The following FAM220A variants were observed in gnomAD, a reference collection of about 807,000 sequenced individuals.
The protein encoded by FAM220A is family with sequence similarity 220 member A.
For missense variants in FAM220A, 392 were observed against 321.6 expected, an observed-to-expected ratio of 1.22 and a Z score of -1.68; for synonymous variants, 141 against 130.7, an observed-to-expected ratio of 1.08 and a Z score of -0.54.
At chr7:6,347,884 TTA>T (rs1781984189) in intron 1 of FAM220A, among the ~76,000 whole-genome samples, 2 of 2,806 alleles carry the variant, frequency 7.1e-4, no homozygotes, top group African/African-American at 2.1e-3. Flanking sequence ...CGAGACCCCT[TTA>T]TTATTATTAT....
At position 6,340,713 on chromosome 7, in the gene FAM220A, C is replaced by A. The variant is rs556298100; in HGVS notation, c.-82+7860G>T. Among the ~76,000 whole-genome samples the A allele has an allele frequency of 3.9e-5, 6 of 151,936 alleles. No homozygotes were observed. The South Asian group carries it at 6.2e-4, about 16-fold the overall frequency. On this transcript the variant is annotated intron_variant, in intron 1 of 1. Coordinates refer to ENST00000313324, the MANE Select transcript of FAM220A (RefSeq NM_001037163.2). ...AGGAGATCGAGACCATCCTGGCTAA[C>A]ACGGTAAAACCCTGTCTCTACTAAA...
At chr7:6,336,460 C>T (rs1429599205) in intron 1 of FAM220A, among the ~76,000 whole-genome samples, 1 of 152,048 alleles carries the variant, frequency 6.6e-6, no homozygotes, top group Non-Finnish European at 1.5e-5. Context: ...GCAGGCAGAT[C>T]TCTTGAGGTC....
At chr7:6,343,397 C>CATATATATATAT (rs10529573) in intron 1 of FAM220A, among the ~76,000 whole-genome samples, 4 of 86,994 alleles carry the variant, frequency 4.6e-5, no homozygotes, top group Non-Finnish European at 4.6e-5. Flanking sequence ...ATAATAATTT[C>CATATATATATAT]ATATATATAT....
chr7:6,337,091 CA>C lies in FAM220A; in HGVS notation c.-81-5857del, dbSNP rs757582381. Among the ~76,000 whole-genome samples the C allele has an allele frequency of 3.6e-3, 532 of 146,850 alleles. 3 individuals are homozygous for C. The highest frequency in any genetic ancestry group is 0.01 in the South Asian group (46 of 4,540). Reference sequence around the variant, plus strand: ...TTTAATTCTTTTTTTTTTTTTGAGACAAGAGTCTCTCTCTGTCTCGCCCAGG... The same window carrying C: ...TTTAATTCTTTTTTTTTTTTTGAGACAGAGTCTCTCTCTGTCTCGCCCAGG... On this transcript the variant is annotated intron_variant, in intron 1 of 1. Coordinates refer to ENST00000313324, the MANE Select transcript of FAM220A (RefSeq NM_001037163.2).
At chr7:6,339,264 C>A (rs192282873) in intron 1 of FAM220A, among the ~76,000 whole-genome samples, 1 of 151,776 alleles carries the variant, frequency 6.6e-6, no homozygotes, top group Non-Finnish European at 1.5e-5. Flanking sequence ...GCCTAGGAGC[C>A]GGAGACCAGC....
chr7:6,333,997 C>A (rs1371266298), intron 1 of FAM220A, among the ~76,000 whole-genome samples: 1 of 151,486 alleles, frequency 6.6e-6, no homozygotes, highest in Non-Finnish European at 1.5e-5. Context: ...CAGGCACCCG[C>A]CACCACGCCC....
rs1310706308 is a variant in FAM220A, at chr7:6,330,335, A to G, written c.*40T>C. 1 of 1,538,928 alleles carries G rather than the reference A, an allele frequency of 6.5e-7. No homozygotes were observed. On this transcript the variant is annotated 3_prime_UTR_variant, in exon 2 of 2. Transcript: ENST00000313324. ...ATGCGAAAGAAATCATTCTAAGACA[A>G]CTCTTAAAATTAATCTATTGGTATT...
chr7:6,341,176 G>C (rs567951172), intron 1 of FAM220A, among the ~76,000 whole-genome samples: 9 of 148,598 alleles, frequency 6.1e-5, no homozygotes, highest in Non-Finnish European at 1.3e-4. Context: ...CAGGCACAGT[G>C]GCTCACCCCT....
Position 6,330,784 on chromosome 7 carries a change from G to A in FAM220A, c.371C>T (p.Ala124Val), listed in dbSNP as rs1297940198. ...TCCCAGCCAGTCTCGCCGCCCCAGA[G>A]CTTCAACACCACTGCAGGACACCCG... ...FARVSCSGVEALGRRDWLGGG... is the reference protein window; with the variant it reads ...FARVSCSGVEVLGRRDWLGGG... Residue 124 changes from alanine to valine, a missense_variant, in exon 2 of 2, where the codon GCT becomes GTT. Ala to Val is a moderately conservative substitution (Grantham distance 64, BLOSUM62 0). Coordinates refer to ENST00000313324, the MANE Select transcript of FAM220A (RefSeq NM_001037163.2). The A allele has an allele frequency of 6.2e-7, 1 of 1,614,146 alleles. No homozygotes were observed. Among genetic ancestry groups the A allele is most frequent in the East Asian group, 2.2e-5 (1 of 44,872 alleles).
chr7:6,347,423 G>A lies in FAM220A; in HGVS notation c.-82+1150C>T, dbSNP rs113880642. Among the ~76,000 whole-genome samples the A allele has an allele frequency of 9.2e-3, 1,392 of 152,108 alleles. 27 individuals are homozygous for A. Among genetic ancestry groups the A allele is most frequent in the African/African-American group, 0.033 (1,352 of 41,490 alleles). ...CCCAGCTACTCAGGAGGCTGAGTCA[G>A]GAGAATCGCTTGAACTCGGGAGGCA... On this transcript the variant is annotated intron_variant, in intron 1 of 1. Coordinates refer to ENST00000313324, the MANE Select transcript of FAM220A (RefSeq NM_001037163.2).
intron 1 of FAM220A, among the ~76,000 whole-genome samples, chr7:6,345,203 G>T (rs747210459): frequency 6.6e-6 from 1 of 151,066 alleles, no homozygotes; most frequent in Non-Finnish European, 1.5e-5. Flanking sequence ...CTGCATCTTC[G>T]GCCTCCTTGG....
At position 6,340,038 on chromosome 7, in the gene FAM220A, C is replaced by T. The variant is rs181718066; in HGVS notation, c.-82+8535G>A. 4.0e-3 allele frequency among the ~76,000 whole-genome samples: 611 copies of T among 152,276 alleles called. 2 individuals carry two copies. Among genetic ancestry groups the T allele is most frequent in the African/African-American group, 0.014 (597 of 41,556 alleles). The stretch of plus-strand genomic sequence containing the variant: ...TAGCTGGGATTACAGGCATGCACCA[C>T]CACACCCAGCTAATTTTTGTATTTT... On this transcript the variant is annotated intron_variant, in intron 1 of 1. Transcript: ENST00000313324.
At chr7:6,345,565 A>G (rs1370143529) in intron 1 of FAM220A, among the ~76,000 whole-genome samples, 2 of 152,168 alleles carry the variant, frequency 1.3e-5, no homozygotes, top group Admixed American at 1.3e-4. Flanking sequence ...AACTGTTTCA[A>G]TGGTAAAGAG....
At chr7:6,337,511 T>C (rs930922819) in intron 1 of FAM220A, among the ~76,000 whole-genome samples, 1 of 151,834 alleles carries the variant, frequency 6.6e-6, no homozygotes, top group Non-Finnish European at 1.5e-5. Context: ...TAAGTCCTTG[T>C]ACAAGGATTT....
intron 1 of FAM220A, chr7:6,338,489 C>T (rs902800184): frequency 6.6e-6 from 1 of 152,080 alleles, no homozygotes; most frequent in Non-Finnish European, 1.5e-5. Flanking sequence ...AAAGTGTAGC[C>T]CTGGGTTCCA....
At chr7:6,344,363 C>A (rs1483750828) in intron 1 of FAM220A, among the ~76,000 whole-genome samples, 1 of 152,304 alleles carries the variant, frequency 6.6e-6, no homozygotes, top group Middle Eastern at 3.4e-3. Context: ...CCACTCCCCA[C>A]CCCCATGATG....
chr7:6,343,397 CATATATATATATATATATATATATAT>C lies in FAM220A; in HGVS notation c.-82+5150_-82+5175del, dbSNP rs10529573. Among the ~76,000 whole-genome samples the C allele has an allele frequency of 1.4e-3, 126 of 86,990 alleles. 1 individual carries two copies. Among genetic ancestry groups the C allele is most frequent in the Middle Eastern group, 7.6e-3 (1 of 132 alleles). The allele number at this position is 86,990 out of a possible 152,430, so 57.1% of individuals were successfully genotyped here. A position where few individuals can be genotyped will look rare whatever the true frequency, so the allele number is the denominator to read the frequency against. ...CGTCTCAAAAAAATAATAATAATTT[CATATATATATATATATATATATATAT>C]ATATATATATATATATATATATGAT... is the stretch of plus-strand genomic sequence containing the variant. On this transcript the variant is annotated intron_variant, in intron 1 of 1. Transcript: ENST00000313324.
At chr7:6,340,189 C>T (rs1781823932) in intron 1 of FAM220A, among the ~76,000 whole-genome samples, 1 of 152,102 alleles carries the variant, frequency 6.6e-6, no homozygotes, top group Admixed American at 6.6e-5. Flanking sequence ...CCGGCCCCTC[C>T]CAGGATTCTG....
At chr7:6,337,793 CATTA>C (rs1781774686) in intron 1 of FAM220A, among the ~76,000 whole-genome samples, 1 of 142,988 alleles carries the variant, frequency 7.0e-6, no homozygotes, top group South Asian at 2.1e-4. Flanking sequence ...GATTTCAATA[CATTA>C]TTTATTTATT....
Sources: gnomAD v4.1 joint callset for allele counts (sites outside exome capture counted in the v4.1 genomes callset) on GRCh38, gnomAD v4.1.1 for gene constraint, MANE v1.5 for transcripts, NCBI Gene and HGNC (gene_info 2026-07-23, HGNC 2026-07-21) for gene names.